The following GLCCI1 variants were observed in gnomAD, a reference collection of about 807,000 sequenced individuals.
The protein encoded by GLCCI1 is glucocorticoid-induced transcript 1 protein.
GLCCI1 carries 24 observed loss-of-function variants against 52.2 expected under a neutral mutation model. That is an observed-to-expected ratio of 0.46 (90% CI 0.33 to 0.65). The LOEUF is 0.65. Among genes scored for constraint, GLCCI1 ranks in the 30% least tolerant of loss-of-function variants. The pLI, the probability that GLCCI1 is intolerant of heterozygous loss-of-function variation, is 0.02. For synonymous variants in GLCCI1, 310 were observed against 276.5 expected, an observed-to-expected ratio of 1.12 and a Z score of -1.20; for missense variants, 704 against 701.5, an observed-to-expected ratio of 1.00 and a Z score of -0.04.
At chr7:8,052,807 CCTT>C (rs757631342) in intron 3 of GLCCI1, among the ~76,000 whole-genome samples, 45 of 152,208 alleles carry the variant, frequency 3.0e-4, no homozygotes, top group Admixed American at 5.2e-4. Context: ...TAGGCTTGCT[CCTT>C]CTCTTTTTTT....
chr7:8,053,531 C>T (rs1394482863), intron 3 of GLCCI1, among the ~76,000 whole-genome samples: 19 of 146,268 alleles, frequency 1.3e-4, no homozygotes, highest in African/African-American at 4.1e-4. Flanking sequence ...GATGGGGTTT[C>T]GCCATGTTGG....
intron 6 of GLCCI1, 34 bp from the exon 7 acceptor site, chr7:8,084,863 A>G (rs1783069917): frequency 6.2e-7 from 1 of 1,602,452 alleles, no homozygotes. Context: ...AGAGCTTTCA[A>G]TCACTAGTTA....
chr7:8,083,526 C>A (rs970753664), intron 6 of GLCCI1, among the ~76,000 whole-genome samples: 1 of 152,118 alleles, frequency 6.6e-6, no homozygotes, highest in South Asian at 2.1e-4. Context: ...TTTGTTCATG[C>A]AAGATGTAGG....
intron 6 of GLCCI1, among the ~76,000 whole-genome samples, chr7:8,077,968 C>A (rs1044510078): frequency 1.3e-5 from 2 of 152,164 alleles, no homozygotes; most frequent in Non-Finnish European, 2.9e-5. Context: ...GGCGCGGTGG[C>A]TCACGCCTGT....
At chr7:8,056,463 A>G (rs944778409) in intron 4 of GLCCI1, among the ~76,000 whole-genome samples, 1 of 152,208 alleles carries the variant, frequency 6.6e-6, no homozygotes, top group African/African-American at 2.4e-5. Flanking sequence ...CTGTGTCTCT[A>G]TGTATCTTAT....
chr7:8,061,097 T>A (rs1330783826), intron 5 of GLCCI1, among the ~76,000 whole-genome samples: 1 of 150,064 alleles, frequency 6.7e-6, no homozygotes, highest in Non-Finnish European at 1.5e-5. Context: ...CATGTGCTAG[T>A]GATCTTTTTT....
chr7:8,039,865 C>G (rs904445149), intron 3 of GLCCI1, among the ~76,000 whole-genome samples: 1 of 151,792 alleles, frequency 6.6e-6, no homozygotes, highest in Non-Finnish European at 1.5e-5. Context: ...GGCATGGTAG[C>G]GGGCTCCTGT....
chr7:8,009,680 A>C (rs906755044), intron 2 of GLCCI1, among the ~76,000 whole-genome samples: 2 of 152,184 alleles, frequency 1.3e-5, no homozygotes, highest in East Asian at 3.8e-4. Flanking sequence ...CTTCTTAATG[A>C]CCCATACATG....
chr7:8,021,562 G>A (rs770642541), intron 2 of GLCCI1, among the ~76,000 whole-genome samples: 1 of 152,060 alleles, frequency 6.6e-6, no homozygotes, highest in East Asian at 1.9e-4. Context: ...ACAGGTGCTC[G>A]CCACCAGGCC....
At chr7:8,062,773 A>G (rs146377509) in intron 5 of GLCCI1, among the ~76,000 whole-genome samples, 1 of 152,190 alleles carries the variant, frequency 6.6e-6, no homozygotes, top group Non-Finnish European at 1.5e-5. Context: ...CTTTAGCACC[A>G]TCCATGTTGC....
intron 1 of GLCCI1, among the ~76,000 whole-genome samples, chr7:8,001,600 TG>T (rs1283812057): frequency 3.3e-5 from 5 of 152,240 alleles, no homozygotes; most frequent in Non-Finnish European, 7.3e-5. Context: ...ATCCCATTAC[TG>T]GGTGTATACC....
chr7:7,986,047 G>A (rs948638251), intron 1 of GLCCI1, among the ~76,000 whole-genome samples: 5 of 152,152 alleles, frequency 3.3e-5, no homozygotes, highest in Non-Finnish European at 7.3e-5. Context: ...ATTTTTTAAA[G>A]TATCATTATA....
In GLCCI1 at chr7:8,055,837, A is replaced by C. The variant is rs192928287; in HGVS notation, c.813+288A>C. ...ACCGTGTCTCTACTGAAAAAACACA[A>C]AAAAAATTAGCCGGGCGTCGTGCCG... is the stretch of plus-strand genomic sequence containing the variant. On this transcript the variant is annotated intron_variant, in intron 4 of 7. Coordinates refer to ENST00000223145, the MANE Select transcript of GLCCI1 (RefSeq NM_138426.4). 142 of 190,116 alleles carry C rather than the reference A, an allele frequency of 7.5e-4. 1 individual carries two copies. Among genetic ancestry groups the C allele is most frequent in the African/African-American group, 2.9e-3 (123 of 42,300 alleles). The allele number at this position is 190,116 out of a possible 1,614,324, so 11.8% of individuals were successfully genotyped here. A position where few individuals can be genotyped will look rare whatever the true frequency, so the allele number is the denominator to read the frequency against.
At chr7:8,028,992 A>G (rs891338633) in intron 3 of GLCCI1, among the ~76,000 whole-genome samples, 3 of 152,168 alleles carry the variant, frequency 2.0e-5, no homozygotes, top group African/African-American at 7.2e-5. Context: ...CTGGGACCCA[A>G]TGGCTTCACC....
intron 3 of GLCCI1, among the ~76,000 whole-genome samples, chr7:8,049,491 A>G (rs892503911): frequency 6.6e-6 from 1 of 152,190 alleles, no homozygotes; most frequent in South Asian, 2.1e-4. Context: ...TCTAAATTAA[A>G]TTGAATCGTA....
chr7:8,003,933 T>C lies in GLCCI1; in HGVS notation c.483T>C (p.Val161=). 6.2e-7 allele frequency: 1 copy of C among 1,612,994 alleles called. No homozygotes were observed. The highest frequency in any genetic ancestry group is 1.1e-5 in the South Asian group (1 of 90,914). ...CGGACAAGGCAAAATCTCAGCAAGT[T>C]CGGACCTCTAGTACAATAAGGCGAA... ...CRADKAKSQQ[V]RTSSTIRRTS... Residue 161 remains valine (V), a synonymous_variant, in exon 2 of 8, where the codon GTT becomes GTC. Coordinates refer to ENST00000223145, the MANE Select transcript of GLCCI1 (RefSeq NM_138426.4).
intron 1 of GLCCI1, among the ~76,000 whole-genome samples, chr7:8,003,196 G>T (rs1456761650): frequency 6.6e-6 from 1 of 152,106 alleles, no homozygotes; most frequent in Non-Finnish European, 1.5e-5. Context: ...GCAGAGACAG[G>T]CAAGTATATC....
At chr7:8,078,277 A>G (rs1445463245) in intron 6 of GLCCI1, among the ~76,000 whole-genome samples, 1 of 152,006 alleles carries the variant, frequency 6.6e-6, no homozygotes, top group Non-Finnish European at 1.5e-5. Flanking sequence ...AAGAGAAAGA[A>G]AAGCCAAGGA....
At chr7:7,987,160 A>G (rs1243062620) in intron 1 of GLCCI1, among the ~76,000 whole-genome samples, 2 of 152,222 alleles carry the variant, frequency 1.3e-5, no homozygotes, top group South Asian at 2.1e-4. Context: ...TAAAAGACTC[A>G]TCTCACTATC....
Sources: gnomAD v4.1 joint callset for allele counts (sites outside exome capture counted in the v4.1 genomes callset) on GRCh38, gnomAD v4.1.1 for gene constraint, MANE v1.5 for transcripts, NCBI Gene and HGNC (gene_info 2026-07-23, HGNC 2026-07-21) for gene names.